Variants in NDUFA10 observed in about 807,000 individuals in gnomAD.
The protein encoded by NDUFA10 is NADH dehydrogenase [ubiquinone] 1 alpha subcomplex subunit 10, mitochondrial.
NDUFA10 carries 40 observed loss-of-function variants against 47.8 expected under a neutral mutation model. That is an observed-to-expected ratio of 0.84 (90% CI 0.65 to 1.09). The LOEUF (loss-of-function observed/expected upper bound fraction) is 1.09. Among genes scored for constraint, NDUFA10 ranks in the 50% least tolerant of loss-of-function variants. The probability of loss-of-function intolerance (pLI) is 0.00; values close to 1 mark genes in which losing one functional copy is unlikely to be tolerated. For synonymous variants in NDUFA10, 183 were observed against 172.2 expected (o/e 1.06, Z -0.49); for missense variants, 413 against 451.1 (o/e 0.92, Z 0.76).
intron 4 of NDUFA10, among the ~76,000 whole-genome samples, chr2:239,927,417 G>C (rs1261025228): frequency 2.6e-5 from 4 of 152,112 alleles, no homozygotes; most frequent in South Asian, 2.1e-4. Flanking sequence ...ATTGAGTTTA[G>C]CCTAAGTGTG....
At chr2:239,905,264 C>T (rs1559266582) in intron 4 of NDUFA10, among the ~76,000 whole-genome samples, 1 of 152,300 alleles carries the variant, frequency 6.6e-6, no homozygotes, top group Non-Finnish European at 1.5e-5. Context: ...TCCTTGGCCA[C>T]CACATGGAAG....
chr2:239,930,260 A>T (rs1184770521), intron 4 of NDUFA10, among the ~76,000 whole-genome samples: 1 of 138,052 alleles, frequency 7.2e-6, no homozygotes, highest in Non-Finnish European at 1.6e-5. Flanking sequence ...GTCCTCCGCC[A>T]GCCCTGCTTC....
At chr2:239,994,099 C>T (rs1400092308) in intron 8 of NDUFA10, among the ~76,000 whole-genome samples, 1 of 152,074 alleles carries the variant, frequency 6.6e-6, no homozygotes, top group East Asian at 1.9e-4. Flanking sequence ...AAATTATTTC[C>T]GAAACACCTT....
intron 6 of NDUFA10, among the ~76,000 whole-genome samples, chr2:240,010,026 C>T (rs1178872812): frequency 6.6e-6 from 1 of 152,194 alleles, no homozygotes; most frequent in East Asian, 1.9e-4. Flanking sequence ...AGCCAAATTT[C>T]ATAGTGAATT....
At chr2:239,892,889 A>C (rs1424009626) in intron 5 of NDUFA10, among the ~76,000 whole-genome samples, 5 of 152,206 alleles carry the variant, frequency 3.3e-5, no homozygotes, top group Non-Finnish European at 7.3e-5. Flanking sequence ...ATGTGTAGGC[A>C]GGGGGGCAAG....
chr2:239,910,922 C>T (rs1213616870), intron 4 of NDUFA10, among the ~76,000 whole-genome samples: 2 of 152,218 alleles, frequency 1.3e-5, no homozygotes, highest in Admixed American at 1.3e-4. Context: ...GCAGAGGCCG[C>T]TCCGTCCTGA....
chr2:239,922,861 C>T (rs1694011583), intron 4 of NDUFA10, among the ~76,000 whole-genome samples: 1 of 152,156 alleles, frequency 6.6e-6, no homozygotes, highest in Non-Finnish European at 1.5e-5. Context: ...GGTACGGATA[C>T]CACACCTTTG....
intron 9 of NDUFA10, among the ~76,000 whole-genome samples, chr2:239,962,874 C>A (rs1010817931): frequency 6.6e-6 from 1 of 152,070 alleles, no homozygotes; most frequent in South Asian, 2.1e-4. Flanking sequence ...GAGAGGTCGA[C>A]GCGCACTCTG....
chr2:239,973,309 G>A (rs1300464368), intron 9 of NDUFA10, among the ~76,000 whole-genome samples: 3 of 152,102 alleles, frequency 2.0e-5, no homozygotes, highest in African/African-American at 4.8e-5. Flanking sequence ...AAGCAGTCAC[G>A]TCTGGCCTTC....
intron 9 of NDUFA10, among the ~76,000 whole-genome samples, chr2:239,962,239 A>ACACACC (rs1491418298): frequency 1.6e-4 from 24 of 149,346 alleles, no homozygotes; most frequent in African/African-American, 4.5e-4. Context: ...ACACACACAC[A>ACACACC]CCCCTTCCAA....
At chr2:239,964,459 T>C (rs535506175) in intron 9 of NDUFA10, among the ~76,000 whole-genome samples, 2 of 152,192 alleles carry the variant, frequency 1.3e-5, no homozygotes, top group African/African-American at 4.8e-5. Flanking sequence ...GGAGGATGCA[T>C]GTGTATTGTT....
chr2:239,947,952 T>C (rs1694483869), intron 4 of NDUFA10, among the ~76,000 whole-genome samples: 4 of 152,178 alleles, frequency 2.6e-5, no homozygotes, highest in Admixed American at 2.6e-4. Context: ...TGGGTGAACA[T>C]GGAGGTCACA....
chr2:239,918,278 G>A (rs943271039), intron 4 of NDUFA10, among the ~76,000 whole-genome samples: 1 of 152,198 alleles, frequency 6.6e-6, no homozygotes, highest in South Asian at 2.1e-4. Context: ...CACAGCCCTG[G>A]GCAGCAACAG....
intron 6 of NDUFA10, among the ~76,000 whole-genome samples, chr2:240,009,737 T>C (rs1191993818): frequency 6.6e-6 from 1 of 152,254 alleles, no homozygotes. Context: ...TTATTTCAAA[T>C]ACTAGTATTA....
intron 6 of NDUFA10, 47 bp downstream of exon 6, chr2:240,011,570 T>C: frequency 2.7e-6 from 4 of 1,475,536 alleles, no homozygotes; most frequent in Non-Finnish European, 3.8e-6. Flanking sequence ...AAGAAACGAG[T>C]GGCGAAGAAG....
chr2:239,895,944 G>A (rs1467453982), intron 4 of NDUFA10, among the ~76,000 whole-genome samples: 1 of 151,336 alleles, frequency 6.6e-6, no homozygotes, highest in African/African-American at 2.4e-5. Context: ...ATTGTTTTCA[G>A]TGTAAGTGCT....
In NDUFA10 at chr2:239,935,965, A is replaced by C. The variant is rs116405934; in HGVS notation, c.295-40651T>G. Among the ~76,000 whole-genome samples, 183 of 152,338 alleles carry C rather than the reference A, an allele frequency of 1.2e-3. 2 individuals are homozygous for C. Among genetic ancestry groups the C allele is most frequent in the South Asian group, 0.012 (58 of 4,832 alleles). On this transcript the variant is annotated intron_variant, in intron 4 of 5. Coordinates refer to the NDUFA10 transcript ENST00000419408. ...CACACAGGGAAACTGTTGTTTTCAG[A>C]AACGCCCTGTGTTGCAATACCTGGA... is the stretch of plus-strand genomic sequence containing the variant.
intron 4 of NDUFA10, among the ~76,000 whole-genome samples, chr2:239,896,646 G>C (rs1009816763): frequency 5.9e-5 from 9 of 152,190 alleles, no homozygotes; most frequent in Admixed American, 2.6e-4. Context: ...TGGATAATTA[G>C]GGAAACTTGG....
chr2:239,892,969 G>T (rs1334032041), intron 5 of NDUFA10, among the ~76,000 whole-genome samples: 2 of 152,232 alleles, frequency 1.3e-5, no homozygotes, highest in Non-Finnish European at 2.9e-5. Flanking sequence ...CTCACCTAAA[G>T]GAACGAGGGC....
Sources: allele counts gnomAD v4.1 joint callset (sites outside exome capture counted in the v4.1 genomes callset), GRCh38; gene constraint gnomAD v4.1.1; transcripts MANE v1.5; gene names NCBI Gene and HGNC (gene_info 2026-07-23, HGNC 2026-07-21).